SDCBP: variants seen among roughly 807,000 people sequenced by gnomAD.
SDCBP encodes syntenin-1.
In SDCBP, 22 loss-of-function variants were observed where a neutral mutation model predicts 30.5. The ratio of observed to expected loss-of-function variants is 0.72; its 90% confidence interval spans 0.52 to 1.03. The LOEUF (loss-of-function observed/expected upper bound fraction) is 1.03. SDCBP is among the 50% of genes least tolerant of loss of function. The pLI, the probability that SDCBP is intolerant of heterozygous loss-of-function variation, is 0.00. For synonymous variants in SDCBP, 103 were observed against 118.7 expected, an observed-to-expected ratio of 0.87 and a Z score of 0.86; for missense variants, 304 against 369.9, an observed-to-expected ratio of 0.82 and a Z score of 1.46.
At chr8:58,562,980 A>G (rs1804516738) in intron 1 of SDCBP, among the ~76,000 whole-genome samples, 1 of 152,200 alleles carries the variant, frequency 6.6e-6, no homozygotes, top group Non-Finnish European at 1.5e-5. Flanking sequence ...CCCTCCATTC[A>G]TATGTTGAAT....
chr8:58,565,616 G>A (rs1804666420), intron 2 of SDCBP, among the ~76,000 whole-genome samples: 1 of 152,106 alleles, frequency 6.6e-6, no homozygotes, highest in African/African-American at 2.4e-5. Context: ...AAATGACTGT[G>A]TAGAGATTGC....
intron 2 of SDCBP, among the ~76,000 whole-genome samples, chr8:58,570,470 GAT>G (rs1804951633): frequency 6.7e-6 from 1 of 149,744 alleles, no homozygotes; most frequent in Non-Finnish European, 1.5e-5. Flanking sequence ...GTGTTTTTCT[GAT>G]ATGTGACTTT....
intron 2 of SDCBP, among the ~76,000 whole-genome samples, chr8:58,565,967 T>C (rs926205902): frequency 5.3e-5 from 8 of 152,162 alleles, no homozygotes; most frequent in Admixed American, 4.6e-4. Flanking sequence ...ATTTACTTAC[T>C]GATAATTGAA....
intron 1 of SDCBP, among the ~76,000 whole-genome samples, chr8:58,554,706 T>A (rs1804002884): frequency 6.6e-6 from 1 of 152,236 alleles, no homozygotes; most frequent in Admixed American, 6.5e-5. Flanking sequence ...ACAACTATTT[T>A]CCCTGTTTTT....
At chr8:58,562,244 G>T (rs1235399166) in intron 1 of SDCBP, among the ~76,000 whole-genome samples, 1 of 151,652 alleles carries the variant, frequency 6.6e-6, no homozygotes, top group Non-Finnish European at 1.5e-5. Flanking sequence ...GGGATGAATG[G>T]ATTAAAAAAA....
chr8:58,580,527 T>C lies in SDCBP; in HGVS notation c.761T>C (p.Ile254Thr). ...ATGTGTTTTTATCAGGACTCTCAAA[T>C]TGCAGACATACTGTCAACATCTGGG... ...QNVIGLKDSQ[I>T]ADILSTSGTV... is the part of the protein sequence containing the mutation. The change falls in exon 8 of 9, where the codon ATT (isoleucine) becomes ACT (threonine). Residue 254 changes from isoleucine (I) to threonine (T), a missense_variant. Transcript: ENST00000260130. The C allele has an allele frequency of 6.4e-7, 1 of 1,561,968 alleles. No homozygotes were observed. The highest frequency in any genetic ancestry group is 8.8e-7 in the Non-Finnish European group (1 of 1,133,754).
intron 7 of SDCBP, 23 bp downstream of exon 7, chr8:58,579,817 T>C: frequency 6.5e-7 from 1 of 1,549,860 alleles, no homozygotes; most frequent in Non-Finnish European, 8.7e-7. Context: ...CTTTGTGCCA[T>C]GTTCTGCTGC....
At chr8:58,577,950 A>T in intron 5 of SDCBP, 83 bp from the exon 6 acceptor site, 2 of 1,088,340 alleles carry the variant, frequency 1.8e-6, no homozygotes, top group Non-Finnish European at 2.7e-6. Flanking sequence ...TTTTCAACAT[A>T]AACAGTTGTT....
intron 1 of SDCBP, among the ~76,000 whole-genome samples, chr8:58,554,326 T>TA (rs1313825361): frequency 6.6e-6 from 1 of 152,242 alleles, no homozygotes; most frequent in Non-Finnish European, 1.5e-5. Context: ...TGTGATTAGT[T>TA]AAAACTCAAA....
At chr8:58,577,016 C>G (rs2129608280) in intron 5 of SDCBP, among the ~76,000 whole-genome samples, 1 of 152,354 alleles carries the variant, frequency 6.6e-6, no homozygotes, top group East Asian at 1.9e-4. Flanking sequence ...CTTTGCTGCC[C>G]TTTCTCCAGA....
chr8:58,556,941 A>G (rs1372398062), intron 1 of SDCBP, among the ~76,000 whole-genome samples: 1 of 119,188 alleles, frequency 8.4e-6, no homozygotes, highest in Non-Finnish European at 1.7e-5. Context: ...TATATTATTT[A>G]TGAATAATAT....
intron 3 of SDCBP, 145 bp downstream of exon 3, chr8:58,571,110 T>G (rs1477189559): frequency 5.3e-6 from 3 of 560,858 alleles, no homozygotes; most frequent in Non-Finnish European, 9.6e-6. Flanking sequence ...GAAAAAAAAG[T>G]TTACTTCAAA....
At chr8:58,561,819 T>C in intron 1 of SDCBP, 1 of 680,270 alleles carries the variant, frequency 1.5e-6, no homozygotes, top group Non-Finnish European at 2.7e-6. Flanking sequence ...TTATTTCTGA[T>C]ATATAAGTCT....
rs573601129 is a variant in SDCBP at position 58,572,868 on chromosome 8, G to A, written c.240+554G>A. 4.9e-5 allele frequency among the ~76,000 whole-genome samples: 7 copies of A among 144,086 alleles called. No homozygotes were observed. In the South Asian group the frequency reaches 1.3e-3, roughly 27 times the overall value. The allele number at this position is 144,086 out of a possible 152,430, so 94.5% of individuals were successfully genotyped here. On this transcript the variant is annotated intron_variant, in intron 4 of 8. Transcript: ENST00000260130. The stretch of plus-strand genomic sequence containing the variant: ...GTCACCCAGGCTGGAGTGCAATGGC[G>A]TGATCTCGGCCCACTGCAACCTCCG...
chr8:58,579,032 G>A (rs4307329), intron 6 of SDCBP, among the ~76,000 whole-genome samples: 144,361 of 152,316 alleles, frequency 0.95, 68,506 homozygotes, highest in African/African-American at 0.99. Flanking sequence ...AAGCAAATGT[G>A]ACTGCTATAA....
chr8:58,565,059 A>T lies in SDCBP; in HGVS notation c.26A>T (p.Asp9Val). Residue 9 changes from aspartate to valine, a missense_variant, in exon 2 of 9, where the codon GAC becomes GTC. Coordinates refer to ENST00000260130, the MANE Select transcript of SDCBP (RefSeq NM_005625.4). Reference protein sequence around the residue: MSLYPSLEDLKVDKVIQAQ... With the variant: MSLYPSLEVLKVDKVIQAQ... The stretch of plus-strand genomic sequence containing the variant: ...ATGTCTCTCTATCCATCTCTCGAAG[A>T]CTTGAAGGTAGACAAAGTAATTCAG... The T allele has an allele frequency of 2.5e-6, 4 of 1,591,028 alleles. No individual in the cohort carries two copies. The highest frequency in any genetic ancestry group is 3.4e-6 in the Non-Finnish European group (4 of 1,165,852).
rs368485153 is a variant in SDCBP, at chr8:58,559,252, G to A, written c.-15-5767G>A. The stretch of plus-strand genomic sequence containing the variant: ...TGAGAACAGTGGGATTTTGAAGTTA[G>A]CCAATGACAGAATCAAAAAAAGAAA... On this transcript the variant is annotated intron_variant, in intron 1 of 8. Coordinates refer to ENST00000260130, the MANE Select transcript of SDCBP (RefSeq NM_005625.4). Among the ~76,000 whole-genome samples the A allele has an allele frequency of 6.6e-5, 10 of 152,222 alleles. 1 individual carries two copies. The highest frequency in any genetic ancestry group is 1.7e-4 in the African/African-American group (7 of 41,552).
At chr8:58,565,364 T>C (rs552053172) in intron 2 of SDCBP, among the ~76,000 whole-genome samples, 31 of 152,106 alleles carry the variant, frequency 2.0e-4, no homozygotes, top group Non-Finnish European at 2.6e-4. Context: ...CATATTTGAG[T>C]TGACAAAATA....
intron 1 of SDCBP, among the ~76,000 whole-genome samples, chr8:58,553,736 T>A (rs907987074): frequency 4.6e-5 from 7 of 152,270 alleles, no homozygotes. Flanking sequence ...TTCCTCCCAG[T>A]GCTCGGCGTT....
Sources: allele counts gnomAD v4.1 joint callset (sites outside exome capture counted in the v4.1 genomes callset), GRCh38; gene constraint gnomAD v4.1.1; transcripts MANE v1.5; gene names NCBI Gene and HGNC (gene_info 2026-07-23, HGNC 2026-07-21).